MVB12B: variants seen among roughly 807,000 people sequenced by gnomAD.
MVB12B encodes the protein ESCRT-I complex subunit MVB12B.
In MVB12B, 16 loss-of-function variants were observed where a neutral mutation model predicts 41.6. That is an observed-to-expected ratio of 0.38 (90% CI 0.26 to 0.58). The LOEUF (loss-of-function observed/expected upper bound fraction) is 0.58. Ranked by LOEUF, MVB12B falls within the 20% of genes least tolerant of loss-of-function variation. The probability of loss-of-function intolerance (pLI) is 0.62; values close to 1 mark genes in which losing one functional copy is unlikely to be tolerated. For missense variants in MVB12B, 274 were observed against 380.2 expected (o/e 0.72, Z 2.32); for synonymous variants, 133 against 139.7 (o/e 0.95, Z 0.34).
intron 2 of MVB12B, among the ~76,000 whole-genome samples, chr9:126,344,110 T>C (rs1413397260): frequency 1.3e-5 from 2 of 151,814 alleles, no homozygotes; most frequent in Non-Finnish European, 2.9e-5. Flanking sequence ...TCCAGAACTT[T>C]TTAATTTTAA....
At chr9:126,396,956 G>T in intron 6 of MVB12B, 2 of 985,574 alleles carry the variant, frequency 2.0e-6, no homozygotes, top group Non-Finnish European at 2.4e-6. Context: ...TGTCAGCTCC[G>T]CCCTGGAGGG....
intron 7 of MVB12B, among the ~76,000 whole-genome samples, chr9:126,474,302 CAA>C (rs1268872640): frequency 3.6e-4 from 55 of 152,148 alleles, no homozygotes; most frequent in Admixed American, 3.6e-3. Context: ...AAAATAATAA[CAA>C]AGACAAAATG....
intron 7 of MVB12B, among the ~76,000 whole-genome samples, chr9:126,461,841 C>T (rs1833098127): frequency 1.1e-5 from 1 of 88,870 alleles, no homozygotes; most frequent in Non-Finnish European, 2.2e-5. Flanking sequence ...GGGAGGGGGT[C>T]GGTGCCCGTG....
chr9:126,416,957 CGGCA>C (rs1180474810), intron 6 of MVB12B, among the ~76,000 whole-genome samples: 2 of 152,226 alleles, frequency 1.3e-5, no homozygotes, highest in African/African-American at 2.4e-5. Flanking sequence ...ACTTCTCCTT[CGGCA>C]GGTGACTTGT....
chr9:126,368,043 G>A (rs982944024), intron 2 of MVB12B, among the ~76,000 whole-genome samples: 6 of 152,346 alleles, frequency 3.9e-5, no homozygotes, highest in Middle Eastern at 3.4e-3. Flanking sequence ...TGCCAGGCCC[G>A]CCTGCATATC....
At chr9:126,460,995 C>T (rs182225886) in intron 7 of MVB12B, among the ~76,000 whole-genome samples, 16 of 152,292 alleles carry the variant, frequency 1.1e-4, no homozygotes, top group East Asian at 1.9e-4. Context: ...ACCCTTTTTG[C>T]GATTTACAGG....
rs76602333 is a variant in MVB12B, at chr9:126,435,297, A to G, written c.757+13349A>G. Reference sequence around the variant, plus strand: ...GCAGTGTGACCTCACCTAAAAGTCCAGCCGGGGATGGAGAGGGTGCAGCTG... The same window carrying G: ...GCAGTGTGACCTCACCTAAAAGTCCGGCCGGGGATGGAGAGGGTGCAGCTG... On this transcript the variant is annotated intron_variant, in intron 7 of 9. Transcript: ENST00000361171. Among the ~76,000 whole-genome samples, 551 of 152,268 alleles carry G rather than the reference A, an allele frequency of 3.6e-3. 9 individuals are homozygous for G. In the East Asian group the frequency reaches 0.045, roughly 13 times the overall value.
chr9:126,399,682 G>C (rs977259689), intron 6 of MVB12B, among the ~76,000 whole-genome samples: 1 of 152,206 alleles, frequency 6.6e-6, no homozygotes, highest in African/African-American at 2.4e-5. Flanking sequence ...AGCACCAGAA[G>C]TCCCCAGTGT....
intron 8 of MVB12B, 48 bp from the exon 9 acceptor site, chr9:126,483,925 G>A (rs1564347586): frequency 1.3e-6 from 2 of 1,592,266 alleles, no homozygotes; most frequent in Non-Finnish European, 1.7e-6. Context: ...AAGTGTGGGA[G>A]GAGCATTTTC....
Position 126,493,091 on chromosome 9 carries a change from T to C in MVB12B, c.873+9059T>C, listed in dbSNP as rs542952567. Among the ~76,000 whole-genome samples the C allele has an allele frequency of 1.3e-3, 193 of 152,288 alleles. 1 individual carries two copies. The highest frequency in any genetic ancestry group is 3.4e-3 in the Middle Eastern group (1 of 294). Reference sequence around the variant, plus strand: ...AGCTTGTAAATGATGTGTTCTGCTATACAAAAGTTTCAAAATGTTCGTGGG... The same window carrying C: ...AGCTTGTAAATGATGTGTTCTGCTACACAAAAGTTTCAAAATGTTCGTGGG... On this transcript the variant is annotated intron_variant, in intron 9 of 9. Transcript: ENST00000361171.
At chr9:126,499,162 C>A (rs926714082) in intron 9 of MVB12B, among the ~76,000 whole-genome samples, 3 of 152,284 alleles carry the variant, frequency 2.0e-5, no homozygotes, top group South Asian at 2.1e-4. Context: ...AGGACACTGA[C>A]CTCACTATGA....
At chr9:126,427,245 T>A (rs935606979) in intron 7 of MVB12B, among the ~76,000 whole-genome samples, 1 of 152,182 alleles carries the variant, frequency 6.6e-6, no homozygotes, top group Admixed American at 6.5e-5. Flanking sequence ...CACCTACTTG[T>A]TTGAAATGAA....
intron 7 of MVB12B, among the ~76,000 whole-genome samples, chr9:126,442,461 T>C (rs936438017): frequency 6.6e-6 from 1 of 152,230 alleles, no homozygotes; most frequent in African/African-American, 2.4e-5. Flanking sequence ...AGTCAGTGTA[T>C]TGATCAGTCT....
At chr9:126,476,022 G>A (rs1015606439) in intron 7 of MVB12B, among the ~76,000 whole-genome samples, 8 of 100,080 alleles carry the variant, frequency 8.0e-5, no homozygotes, top group Non-Finnish European at 1.9e-4. Flanking sequence ...GTCAGAGCAG[G>A]TCTCCTCATC....
intron 7 of MVB12B, among the ~76,000 whole-genome samples, chr9:126,437,229 G>T (rs1832504913): frequency 6.6e-6 from 1 of 152,044 alleles, no homozygotes; most frequent in African/African-American, 2.4e-5. Context: ...TTTTTAATAG[G>T]AAGCTGCTAT....
At chr9:126,347,291 G>A (rs758513760) in intron 2 of MVB12B, among the ~76,000 whole-genome samples, 5 of 152,202 alleles carry the variant, frequency 3.3e-5, no homozygotes, top group Non-Finnish European at 7.4e-5. Flanking sequence ...CCTTGGGCTC[G>A]GCCTGTGCGG....
chr9:126,359,342 T>TC (rs1231186174), intron 2 of MVB12B, among the ~76,000 whole-genome samples: 1 of 152,214 alleles, frequency 6.6e-6, no homozygotes, highest in Non-Finnish European at 1.5e-5. Context: ...ATGTGTATGT[T>TC]CATAAGGAAT....
chr9:126,485,837 C>T (rs1433394564), intron 9 of MVB12B, among the ~76,000 whole-genome samples: 1 of 152,190 alleles, frequency 6.6e-6, no homozygotes, highest in African/African-American at 2.4e-5. Context: ...CAGGGCCCTC[C>T]TGTTTCCCTA....
intron 9 of MVB12B, among the ~76,000 whole-genome samples, chr9:126,500,002 C>T (rs1311065896): frequency 2.6e-5 from 4 of 152,188 alleles, no homozygotes; most frequent in African/African-American, 9.6e-5. Flanking sequence ...TCTGCCGAAT[C>T]AGCCAGTTGC....
Sources: allele counts gnomAD v4.1 joint callset (sites outside exome capture counted in the v4.1 genomes callset), GRCh38; gene constraint gnomAD v4.1.1; transcripts MANE v1.5; gene names NCBI Gene and HGNC (gene_info 2026-07-23, HGNC 2026-07-21).